The following ADH7 variants were observed in gnomAD, a reference collection of about 807,000 sequenced individuals.
The protein encoded by ADH7 is alcohol dehydrogenase 7 (class IV), mu or sigma polypeptide.
A neutral mutation model predicts 34.4 loss-of-function variants in ADH7; 41 were observed. The ratio of observed to expected loss-of-function variants is 1.19; its 90% CI spans 0.93 to 1.55. The LOEUF (loss-of-function observed/expected upper bound fraction) is 1.55. Ranked by LOEUF, ADH7 falls within the 40% of genes most tolerant of loss-of-function variation. ADH7 has a pLI of 0.00. For synonymous variants in ADH7, 180 were observed against 160.9 expected, an observed-to-expected ratio of 1.12 and a Z score of -0.90; for missense variants, 540 against 461.2, an observed-to-expected ratio of 1.17 and a Z score of -1.56.
chr4:99,424,396 T>C (rs1721747810), intron 5 of ADH7, among the ~76,000 whole-genome samples: 3 of 152,228 alleles, frequency 2.0e-5, no homozygotes, highest in South Asian at 2.1e-4. Context: ...TTGAAAGTAG[T>C]TTTTTCCAAT....
chr4:99,434,939 A>G, intron 1 of ADH7: 1 of 1,211,188 alleles, frequency 8.3e-7, no homozygotes, highest in East Asian at 2.6e-5. Flanking sequence ...CTATCCGGAA[A>G]TCAAATTATG....
intron 8 of ADH7, among the ~76,000 whole-genome samples, chr4:99,414,956 G>T (rs950389604): frequency 6.6e-6 from 1 of 152,116 alleles, no homozygotes; most frequent in African/African-American, 2.4e-5. Context: ...TTGGTGATAT[G>T]GTTAGACTTT....
chr4:99,420,546 T>C lies in ADH7; in HGVS notation c.812A>G (p.His271Arg), dbSNP rs764699940. 3.1e-6 allele frequency: 5 copies of C among 1,613,120 alleles called. No homozygotes were observed. The highest frequency in any genetic ancestry group is 1.7e-4 in the Middle Eastern group (1 of 6,054). ...NVGYTFEVIG[H>R]LETMIDALAS... ...TTTGGGTCTTACCATGGTTTCAAGA[T>C]GCCCAATAACTTCAAAGGTGTATCC... Residue 271 changes from histidine to arginine, a missense_variant, in exon 6 of 9, where the codon CAT (histidine) becomes CGT (arginine). Transcript: ENST00000437033.
At chr4:99,430,126 T>C (rs1160079595) in intron 1 of ADH7, 3 of 152,598 alleles carry the variant, frequency 2.0e-5, no homozygotes, top group Non-Finnish European at 4.4e-5. Flanking sequence ...GTGAAGAAAT[T>C]AGACTATTAG....
At chr4:99,427,528 G>C (rs1338181385) in intron 5 of ADH7, among the ~76,000 whole-genome samples, 1 of 152,096 alleles carries the variant, frequency 6.6e-6, no homozygotes, top group Admixed American at 6.6e-5. Flanking sequence ...TTTAAAGATG[G>C]AGAAATGATG....
In ADH7 at chr4:99,429,629, A is replaced by G. The variant is rs1326612050; in HGVS notation, c.23T>C (p.Ile8Thr). The part of the protein sequence containing the change: MGTAGKV[I>T]KCKAAVLWEQ... ...CCAAAGCACAGCTGCTTTGCATTTA[A>G]TAACCTAAGAAATAGGCAAGTATTA... The change falls in exon 2 of 9, where the codon ATT (isoleucine) becomes ACT (threonine). Residue 8 changes from isoleucine to threonine, a missense_variant. Transcript: ENST00000437033. The G allele has an allele frequency of 3.7e-6, 6 of 1,606,804 alleles. No homozygotes were observed. Among genetic ancestry groups the G allele is most frequent in the Non-Finnish European group, 4.3e-6 (5 of 1,175,780 alleles).
At chr4:99,433,154 C>T (rs556532815) in intron 1 of ADH7, among the ~76,000 whole-genome samples, 65 of 152,078 alleles carry the variant, frequency 4.3e-4, no homozygotes, top group African/African-American at 1.4e-3. Context: ...AAGGCTACCT[C>T]GAAGAAATAT....
chr4:99,426,456 C>G (rs973079649), intron 5 of ADH7, among the ~76,000 whole-genome samples: 1 of 152,164 alleles, frequency 6.6e-6, no homozygotes, highest in Non-Finnish European at 1.5e-5. Context: ...ACTAGAAAAT[C>G]TAGAAGAAAT....
chr4:99,425,841 C>G (rs1154464), intron 5 of ADH7, among the ~76,000 whole-genome samples: 79,658 of 150,950 alleles, frequency 0.53, 21,706 homozygotes, highest in Middle Eastern at 0.62. Context: ...TAAAAGAACA[C>G]AAATTATAAC....
At chr4:99,421,187 A>T (rs1176272412) in intron 5 of ADH7, among the ~76,000 whole-genome samples, 1 of 152,110 alleles carries the variant, frequency 6.6e-6, no homozygotes, top group African/African-American at 2.4e-5. Context: ...GAGCCCATAT[A>T]GCCAAGACAA....
At chr4:99,420,862 C>T in intron 5 of ADH7, 69 bp from the exon 6 acceptor site, 2 of 1,444,062 alleles carry the variant, frequency 1.4e-6, no homozygotes, top group Non-Finnish European at 1.9e-6. Context: ...AAAGGGCCTC[C>T]AGTTAAAAAC....
chr4:99,433,233 A>G (rs1036720506), intron 1 of ADH7, among the ~76,000 whole-genome samples: 1 of 152,224 alleles, frequency 6.6e-6, no homozygotes, highest in Non-Finnish European at 1.5e-5. Context: ...AAATACATAA[A>G]CAATAATAGA....
At chr4:99,423,043 A>T in intron 5 of ADH7, among the ~76,000 whole-genome samples, 2 of 99,800 alleles carry the variant, frequency 2.0e-5, no homozygotes, top group Non-Finnish European at 3.8e-5. Flanking sequence ...CCACCCCACA[A>T]CAGTCTCCAG....
intron 8 of ADH7, among the ~76,000 whole-genome samples, chr4:99,413,817 G>T (rs1003604985): frequency 1.1e-4 from 16 of 152,282 alleles, no homozygotes; most frequent in African/African-American, 3.8e-4. Flanking sequence ...TTCTGAAGGA[G>T]AAATCAAGGG....
At chr4:99,418,910 G>A in intron 7 of ADH7, 76 bp downstream of exon 7, 2 of 1,541,550 alleles carry the variant, frequency 1.3e-6, no homozygotes, top group Non-Finnish European at 1.8e-6. Context: ...AAGGCCTGAG[G>A]AAACAGGCTT....
At chr4:99,427,168 G>T (rs372731191) in intron 5 of ADH7, among the ~76,000 whole-genome samples, 2 of 152,068 alleles carry the variant, frequency 1.3e-5, no homozygotes, top group Non-Finnish European at 2.9e-5. Context: ...CATCACAGTT[G>T]ATGGAAAAAT....
intron 5 of ADH7, among the ~76,000 whole-genome samples, chr4:99,426,607 T>A (rs2110138555): frequency 6.6e-6 from 1 of 152,308 alleles, no homozygotes; most frequent in African/African-American, 2.4e-5. Context: ...CCAGATGGAT[T>A]CACAGCCGAA....
intron 1 of ADH7, chr4:99,432,865 A>T (rs1721968408): frequency 6.6e-6 from 1 of 152,190 alleles, no homozygotes; most frequent in Non-Finnish European, 1.5e-5. Flanking sequence ...TTTTTTTAAG[A>T]CAATATCACA....
chr4:99,423,729 G>T (rs548853638), intron 5 of ADH7, among the ~76,000 whole-genome samples: 2 of 151,614 alleles, frequency 1.3e-5, no homozygotes, highest in Non-Finnish European at 1.5e-5. Context: ...GGGGTTGTTT[G>T]TTTTTTTCTT....
Sources: allele counts gnomAD v4.1 joint callset (sites outside exome capture counted in the v4.1 genomes callset), GRCh38; gene constraint gnomAD v4.1.1; transcripts MANE v1.5; gene names NCBI Gene and HGNC (gene_info 2026-07-23, HGNC 2026-07-21).